The following DMD variants were observed in gnomAD, a reference collection of about 807,000 sequenced individuals.
The protein encoded by DMD is mutant dystrophin.
Under a neutral mutation model 330.1 loss-of-function variants are expected in DMD, and 63 were observed. The observed-to-expected ratio is 0.19, with a 90% confidence interval of 0.16 to 0.24. The LOEUF (loss-of-function observed/expected upper bound fraction) is 0.24. Ranked by LOEUF, DMD falls within the 10% of genes least tolerant of loss-of-function variation. The probability of loss-of-function intolerance (pLI) is 1.00; values close to 1 mark genes in which losing one functional copy is unlikely to be tolerated. For synonymous variants in DMD, 1,223 were observed against 959.8 expected (o/e 1.27, Z -5.07); for missense variants, 3,344 against 2,684.1 (o/e 1.25, Z -5.43).
At chrX:32,506,244 T>C (rs2148719765) in intron 18 of DMD, among the ~76,000 whole-genome samples, 1 of 110,841 alleles carries the variant, frequency 9.0e-6, no homozygotes, top group Non-Finnish European at 1.9e-5. Flanking sequence ...GTGGGAAATG[T>C]TGACAGTGGG....
chrX:31,763,845 C>T (rs1394535559), intron 51 of DMD, among the ~76,000 whole-genome samples: 1 of 109,279 alleles, frequency 9.2e-6, no homozygotes, highest in African/African-American at 3.3e-5. Flanking sequence ...AAAATATATC[C>T]TCATTTTTAT....
At chrX:32,072,492 C>A (rs1214871202) in intron 44 of DMD, among the ~76,000 whole-genome samples, 1 of 111,010 alleles carries the variant, frequency 9.0e-6, no homozygotes, top group Non-Finnish European at 1.9e-5. Context: ...TCATTGTGTT[C>A]TTTCTTGACT....
At chrX:31,494,564 G>A (rs1443292078) in intron 57 of DMD, among the ~76,000 whole-genome samples, 1 of 111,325 alleles carries the variant, frequency 9.0e-6, no homozygotes, top group African/African-American at 3.3e-5. Context: ...ACTTCATTCT[G>A]GTGAGTATCA....
At chrX:32,022,781 G>C (rs964232729) in intron 44 of DMD, among the ~76,000 whole-genome samples, 2 of 110,365 alleles carry the variant, frequency 1.8e-5, no homozygotes, top group African/African-American at 6.6e-5. Context: ...TTGCAAAAAA[G>C]GATTTGTTTG....
intron 9 of DMD, among the ~76,000 whole-genome samples, chrX:32,645,392 A>G (rs979508521): frequency 8.9e-6 from 1 of 112,291 alleles, no homozygotes; most frequent in South Asian, 3.7e-4. Flanking sequence ...AAGCTCTTCT[A>G]GATTACTGGA....
chrX:32,780,855 G>T (rs945432270), intron 7 of DMD, among the ~76,000 whole-genome samples: 2 of 109,566 alleles, frequency 1.8e-5, no homozygotes, highest in Admixed American at 2.0e-4. Context: ...ACTTTCAGAG[G>T]CCGAGGCGGG....
intron 63 of DMD, among the ~76,000 whole-genome samples, chrX:31,240,769 C>G (rs2048183999): frequency 9.0e-6 from 1 of 111,350 alleles, no homozygotes; most frequent in Non-Finnish European, 1.9e-5. Context: ...AACATAAATT[C>G]TCATATAATT....
chrX:32,564,069 A>C (rs964468148), intron 16 of DMD, among the ~76,000 whole-genome samples: 2 of 111,409 alleles, frequency 1.8e-5, no homozygotes, highest in African/African-American at 6.5e-5. Context: ...TGGTCTGCAG[A>C]TTGTATCAAA....
intron 18 of DMD, chrX:32,516,556 G>A (rs772439794): frequency 2.7e-5 from 3 of 111,614 alleles, no homozygotes; most frequent in Non-Finnish European, 3.8e-5. Context: ...CCTGATCAAA[G>A]CTGTCTTAAG....
At chrX:31,753,928 T>C (rs1185083691) in intron 51 of DMD, among the ~76,000 whole-genome samples, 1 of 111,282 alleles carries the variant, frequency 9.0e-6, no homozygotes, top group South Asian at 3.7e-4. Context: ...ATGATCCTCT[T>C]CCCCTTCTCA....
chrX:32,672,634 A>G (rs1023233948), intron 9 of DMD, among the ~76,000 whole-genome samples: 5 of 110,705 alleles, frequency 4.5e-5, no homozygotes, highest in Non-Finnish European at 9.5e-5. Flanking sequence ...GCTTTAACAC[A>G]GTATATTAAC....
intron 64 of DMD, among the ~76,000 whole-genome samples, chrX:31,210,398 T>C (rs1192933527): frequency 1.8e-5 from 2 of 112,214 alleles, no homozygotes; most frequent in Admixed American, 1.9e-4. Context: ...TTTATAAGGC[T>C]GAGGGAGGAA....
At chrX:31,252,878 G>T (rs767782543) in intron 63 of DMD, among the ~76,000 whole-genome samples, 4 of 111,486 alleles carry the variant, frequency 3.6e-5, no homozygotes, top group Non-Finnish European at 7.5e-5. Context: ...TGAGCATGGT[G>T]GCGGGAGGCT....
intron 63 of DMD, among the ~76,000 whole-genome samples, chrX:31,240,382 A>G (rs2147292425): frequency 8.9e-6 from 1 of 112,239 alleles, no homozygotes; most frequent in South Asian, 3.7e-4. Flanking sequence ...AGGAAGTAAA[A>G]TTAGGGGATT....
chrX:32,805,814 T>A (rs1161451298), intron 7 of DMD, among the ~76,000 whole-genome samples: 1 of 111,990 alleles, frequency 8.9e-6, no homozygotes, highest in African/African-American at 3.2e-5. Flanking sequence ...TAACTCAGAA[T>A]TTCATAGCCA....
chrX:31,676,927 A>G (rs1052811021), intron 53 of DMD, among the ~76,000 whole-genome samples: 3 of 112,010 alleles, frequency 2.7e-5, no homozygotes, highest in African/African-American at 9.7e-5. Flanking sequence ...GGCCATCTTT[A>G]TCTGTATCGG....
chrX:32,615,031 G>A (rs965853476), intron 11 of DMD, among the ~76,000 whole-genome samples: 3 of 111,083 alleles, frequency 2.7e-5, no homozygotes, highest in African/African-American at 9.8e-5. Flanking sequence ...AATCATTAGA[G>A]ACCATATAGG....
intron 1 of DMD, among the ~76,000 whole-genome samples, chrX:33,285,749 C>T (rs775026291): frequency 9.8e-5 from 11 of 111,951 alleles, no homozygotes; most frequent in African/African-American, 3.6e-4. Context: ...AAATACTTTA[C>T]CTGAGACTCA....
chrX:32,666,317 T>G (rs2061301288), intron 9 of DMD, among the ~76,000 whole-genome samples: 1 of 110,774 alleles, frequency 9.0e-6, no homozygotes, highest in African/African-American at 3.3e-5. Context: ...TTTTAAGCCC[T>G]GCATGCATTA....
Sources: allele counts gnomAD v4.1 joint callset (sites outside exome capture counted in the v4.1 genomes callset), GRCh38; gene constraint gnomAD v4.1.1; transcripts MANE v1.5; gene names NCBI Gene and HGNC (gene_info 2026-07-23, HGNC 2026-07-21).